Variants in PROKR2 observed in about 807,000 individuals in gnomAD.
PROKR2 encodes the protein prokineticin receptor 2, also known as G protein-coupled receptor 73-like 1.
In PROKR2, 26 loss-of-function variants were observed where a neutral mutation model predicts 23.4. The observed-to-expected ratio is 1.11, with a 90% CI of 0.81 to 1.54. The LOEUF (loss-of-function observed/expected upper bound fraction) is 1.54. PROKR2 is among the 40% of genes most tolerant of loss of function. The pLI, the probability that PROKR2 is intolerant of heterozygous loss-of-function variation, is 0.00. For missense variants in PROKR2, 453 were observed against 511.5 expected (o/e 0.89, Z 1.10); for synonymous variants, 212 against 201.2 (o/e 1.05, Z -0.45).
intron 2 of PROKR2, among the ~76,000 whole-genome samples, chr20:5,303,102 C>T (rs545010572): frequency 1.1e-4 from 17 of 152,316 alleles, no homozygotes; most frequent in Admixed American, 9.8e-4. Context: ...TTGTAAAATG[C>T]TTTGTGTATA....
chr20:5,313,146 ATG>A (rs10566297), intron 2 of PROKR2, among the ~76,000 whole-genome samples: 77,138 of 151,626 alleles, frequency 0.51, 19,870 homozygotes, highest in African/African-American at 0.61. Flanking sequence ...TACAATTATT[ATG>A]TGTCAATTAA....
In PROKR2 at chr20:5,302,109, A is replaced by C; in HGVS notation, c.1086T>G (p.Ser362Arg). Residue 362 changes from serine (S) to arginine (R), a missense_variant, in exon 3 of 3, where the codon AGT becomes AGG. By Grantham distance (110) the Ser-to-Arg change is moderately radical (BLOSUM62 -1). Transcript: ENST00000678254. ...WRPSQRGSKS[S>R]ADLDLRTNGV... The stretch of plus-strand genomic sequence containing the variant: ...CGTTGGTTCTGAGGTCAAGGTCAGC[A>C]CTGGACTTGCTCCCCCGCTGGGAGG... 1 of 1,614,234 alleles carries C rather than the reference A, an allele frequency of 6.2e-7. No homozygotes were observed. Among genetic ancestry groups the C allele is most frequent in the Non-Finnish European group, 8.5e-7 (1 of 1,180,042 alleles).
intron 2 of PROKR2, among the ~76,000 whole-genome samples, chr20:5,304,714 C>A (rs1258798475): frequency 6.6e-6 from 1 of 152,114 alleles, no homozygotes; most frequent in African/African-American, 2.4e-5. Context: ...AAAACAGGGA[C>A]CAAAAGAACC....
rs758720468 is a variant in PROKR2 at position 5,302,499 on chromosome 20, G to A, written c.696C>T (p.Phe232=). The change falls in exon 3 of 3, where the codon TTC becomes TTT. Residue 232 remains phenylalanine, a synonymous_variant. Coordinates refer to ENST00000678254, the MANE Select transcript of PROKR2 (RefSeq NM_144773.4). ...GGGTCATGGTGACCACAGGGCCCAC[G>A]AACTCGACACCAAAGATGAAGAGGA... is the stretch of plus-strand genomic sequence containing the variant. ...SYFLFIFGVE[F]VGPVVTMTLC... is the part of the protein sequence containing the mutation. 9.9e-6 allele frequency: 16 copies of A among 1,614,098 alleles called. No individual in the cohort carries two copies. The Admixed American group carries it at 2.0e-4, about 20-fold the overall frequency.
rs1979663186 is a variant in PROKR2, at chr20:5,316,140, C to G, written c.-9+354G>C. ...TGGAGGATGCGGTGCGCGGGAATTT[C>G]CCCACGGACGCTTGCTGTTTCCTGC... On this transcript the variant is annotated intron_variant, in intron 1 of 2. Coordinates refer to ENST00000678254, the MANE Select transcript of PROKR2 (RefSeq NM_144773.4). The surrounding 1 kb of genome is among the most constrained non-coding windows in gnomAD (Gnocchi z 5.0). The G allele has an allele frequency of 2.2e-6, 1 of 456,526 alleles. No homozygotes were observed. Among genetic ancestry groups the G allele is most frequent in the Admixed American group, 2.3e-5 (1 of 42,560 alleles). The allele number at this position is 456,526 out of a possible 1,614,324, so 28.3% of individuals were successfully genotyped here.
At chr20:5,302,833 A>C in intron 2 of PROKR2, 97 bp from the exon 3 acceptor site, 1 of 862,206 alleles carries the variant, frequency 1.2e-6, no homozygotes, top group South Asian at 1.4e-5. Context: ...TGGCACAGTG[A>C]ATCCTCATGT....
At chr20:5,309,789 T>TAA (rs112631104) in intron 2 of PROKR2, among the ~76,000 whole-genome samples, 77,324 of 151,804 alleles carry the variant, frequency 0.51, 19,979 homozygotes, top group African/African-American at 0.61. Context: ...GGTTCCACCA[T>TAA]AAAAAGTATT....
At chr20:5,306,481 A>C (rs913361716) in intron 2 of PROKR2, among the ~76,000 whole-genome samples, 1 of 152,232 alleles carries the variant, frequency 6.6e-6, no homozygotes, top group Non-Finnish European at 1.5e-5. Context: ...TTGCATTTAC[A>C]ATTCCTGCAG....
At chr20:5,312,695 A>T (rs1413972236) in intron 2 of PROKR2, among the ~76,000 whole-genome samples, 2 of 152,250 alleles carry the variant, frequency 1.3e-5, no homozygotes, top group Non-Finnish European at 2.9e-5. Context: ...AGTTGAAAAG[A>T]TGAAAGGAAA....
At chr20:5,307,620 T>C (rs1332236402) in intron 2 of PROKR2, among the ~76,000 whole-genome samples, 2 of 152,222 alleles carry the variant, frequency 1.3e-5, no homozygotes, top group African/African-American at 4.8e-5. Context: ...TAGGGGATGT[T>C]TAGCTTGAAT....
chr20:5,306,666 A>G (rs1979231043), intron 2 of PROKR2, among the ~76,000 whole-genome samples: 2 of 152,244 alleles, frequency 1.3e-5, no homozygotes, highest in East Asian at 3.9e-4. Flanking sequence ...ATGCCTATTA[A>G]TGTGATTTCT....
chr20:5,304,404 C>A (rs146062503), intron 2 of PROKR2, among the ~76,000 whole-genome samples: 2 of 152,296 alleles, frequency 1.3e-5, no homozygotes, highest in East Asian at 3.9e-4. Context: ...TCTTTCCAGT[C>A]GGATGATGAA....
At chr20:5,309,477 A>G (rs1413458337) in intron 2 of PROKR2, among the ~76,000 whole-genome samples, 1 of 152,178 alleles carries the variant, frequency 6.6e-6, no homozygotes, top group Non-Finnish European at 1.5e-5. Context: ...AGTTTCTTGC[A>G]TTGTATCACT....
chr20:5,300,027 T>C lies in PROKR2; in HGVS notation c.*2013A>G, dbSNP rs546275861. On this transcript the variant is annotated 3_prime_UTR_variant, in exon 3 of 3. Coordinates refer to ENST00000678254, the MANE Select transcript of PROKR2 (RefSeq NM_144773.4). Reference sequence around the variant, plus strand: ...TCAGTCAGAGAAACAAATCAACAAATAATAGAAACAATCAAACAAGCAAAC... The same window carrying C: ...TCAGTCAGAGAAACAAATCAACAAACAATAGAAACAATCAAACAAGCAAAC... 1.2e-4 allele frequency among the ~76,000 whole-genome samples: 19 copies of C among 152,270 alleles called. No homozygotes were observed. The highest frequency in any genetic ancestry group is 4.3e-4 in the African/African-American group (18 of 41,572).
chr20:5,314,128 T>C lies in PROKR2; in HGVS notation c.242A>G (p.Tyr81Cys), dbSNP rs748986790. The change falls in exon 2 of 3, where the codon TAT becomes TGT. Residue 81 changes from tyrosine to cysteine, a missense_variant. Tyr to Cys is a radical substitution (Grantham distance 194, BLOSUM62 -2). Coordinates refer to ENST00000678254, the MANE Select transcript of PROKR2 (RefSeq NM_144773.4). ...NFVFIAALTRYKKLRNLTNLL... is the reference protein window; with the variant it reads ...NFVFIAALTRCKKLRNLTNLL... ...ATTGGTGAGGTTGCGCAACTTCTTATAGCGGGTGAGGGCAGCGATAAAGAC... is the reference window on the plus strand; with the variant it reads ...ATTGGTGAGGTTGCGCAACTTCTTACAGCGGGTGAGGGCAGCGATAAAGAC... 6.2e-6 allele frequency: 10 copies of C among 1,614,210 alleles called. No homozygotes were observed. The highest frequency in any genetic ancestry group is 4.5e-5 in the East Asian group (2 of 44,882).
In PROKR2 at chr20:5,307,436, T is replaced by A. The variant is rs570036551; in HGVS notation, c.459-4700A>T. Among the ~76,000 whole-genome samples, 129 of 152,354 alleles carry A rather than the reference T, an allele frequency of 8.5e-4. 1 individual carries two copies. The highest frequency in any genetic ancestry group is 2.8e-3 in the African/African-American group (118 of 41,584). ...ACACATGCTTTCTGATCTCAGTATT[T>A]ACCGTAATAAATCTGCTCCTATAAT... On this transcript the variant is annotated intron_variant, in intron 2 of 2. Coordinates refer to ENST00000678254, the MANE Select transcript of PROKR2 (RefSeq NM_144773.4).
At chr20:5,308,554 G>T (rs555010903) in intron 2 of PROKR2, among the ~76,000 whole-genome samples, 1 of 152,290 alleles carries the variant, frequency 6.6e-6, no homozygotes, top group East Asian at 1.9e-4. Flanking sequence ...CTGGCTTGTT[G>T]TTAATAAATA....
intron 2 of PROKR2, among the ~76,000 whole-genome samples, chr20:5,304,321 A>G (rs1383133590): frequency 6.6e-6 from 1 of 152,220 alleles, no homozygotes; most frequent in Non-Finnish European, 1.5e-5. Context: ...AAATTACTCA[A>G]ATAATTTAAA....
chr20:5,315,945 C>T (rs1285817875), intron 1 of PROKR2: 1 of 456,306 alleles, frequency 2.2e-6, no homozygotes, highest in African/African-American at 2.0e-5. Flanking sequence ...AGATTGCACT[C>T]CCCGCCCGGG....
Sources: gnomAD v4.1 joint callset for allele counts (sites outside exome capture counted in the v4.1 genomes callset) on GRCh38, gnomAD v4.1.1 for gene constraint, Gnocchi (gnomAD v3.1) non-coding constraint, MANE v1.5 for transcripts, NCBI Gene and HGNC (gene_info 2026-07-23, HGNC 2026-07-21) for gene names.